Variants in HADHB observed in about 807,000 individuals in gnomAD.
HADHB encodes trifunctional enzyme subunit beta, mitochondrial.
In HADHB, 50 loss-of-function variants were observed where a neutral mutation model predicts 61.9. That is an observed-to-expected ratio of 0.81 (90% CI 0.64 to 1.02). The LOEUF (loss-of-function observed/expected upper bound fraction) is 1.02. Ranked by LOEUF, HADHB falls within the 50% of genes least tolerant of loss-of-function variation. HADHB has a pLI of 0.00. For missense variants in HADHB, 504 were observed against 586.5 expected (o/e 0.86, Z 1.45); for synonymous variants, 191 against 201.6 (o/e 0.95, Z 0.45).
chr2:26,269,859 T>C (rs2147816364), intron 4 of HADHB, 94 bp from the exon 5 acceptor site: 1 of 821,914 alleles, frequency 1.2e-6, no homozygotes. Flanking sequence ...TGTAGCAGCA[T>C]GTGTTTGATG....
chr2:26,250,883 T>A (rs1671372831), intron 1 of HADHB, among the ~76,000 whole-genome samples: 1 of 151,448 alleles, frequency 6.6e-6, no homozygotes, highest in African/African-American at 2.4e-5. Flanking sequence ...CCTCTAGTAC[T>A]TTTATAGTTA....
chr2:26,271,728 T>C (rs1262390338), intron 5 of HADHB, among the ~76,000 whole-genome samples: 1 of 152,086 alleles, frequency 6.6e-6, no homozygotes, highest in African/African-American at 2.4e-5. Flanking sequence ...GAGGATCTTT[T>C]GAGCCCAGGA....
chr2:26,263,625 C>A, intron 4 of HADHB, 146 bp downstream of exon 4: 1 of 698,872 alleles, frequency 1.4e-6, no homozygotes, highest in Non-Finnish European at 2.6e-6. Flanking sequence ...TAGAATAAGT[C>A]AAGACAGTGG....
chr2:26,270,900 A>G (rs1672312563), intron 5 of HADHB, among the ~76,000 whole-genome samples: 2 of 127,096 alleles, frequency 1.6e-5, no homozygotes, highest in Non-Finnish European at 3.2e-5. Flanking sequence ...TTTTTTTGAG[A>G]CGGAGTCTCG....
intron 3 of HADHB, among the ~76,000 whole-genome samples, chr2:26,258,183 G>A (rs1574645774): frequency 6.6e-6 from 1 of 152,290 alleles, no homozygotes; most frequent in Non-Finnish European, 1.5e-5. Context: ...ATACTTTTAT[G>A]TACTGTTGCT....
rs149414572 is a variant in HADHB, at chr2:26,257,084, C to T, written c.109+2610C>T. Among the ~76,000 whole-genome samples the T allele has an allele frequency of 5.1e-3, 768 of 149,820 alleles. 8 individuals are homozygous for T. The highest frequency in any genetic ancestry group is 0.018 in the African/African-American group (739 of 40,900). On this transcript the variant is annotated intron_variant, in intron 3 of 15. Transcript: ENST00000317799. The stretch of plus-strand genomic sequence containing the variant: ...GTACCTGATTGCCTTGTTGATCTTG[C>T]GTCACTGGGAAGGCTAAGAGCTCCC...
chr2:26,262,207 G>A (rs1218492273), intron 3 of HADHB, among the ~76,000 whole-genome samples: 1 of 152,118 alleles, frequency 6.6e-6, no homozygotes, highest in Admixed American at 6.5e-5. Flanking sequence ...TGTTGACATT[G>A]TATTCCCAAT....
In HADHB at chr2:26,263,424, A is replaced by G; in HGVS notation, c.154A>G (p.Arg52Gly). 2 of 1,613,648 alleles carry G rather than the reference A, an allele frequency of 1.2e-6. No individual in the cohort carries two copies. The highest frequency in any genetic ancestry group is 1.7e-6 in the Non-Finnish European group (2 of 1,179,566). The change falls in exon 4 of 16, where the codon AGG becomes GGG. Residue 52 changes from arginine (R) to glycine (G), a missense_variant. Arg to Gly is a moderately radical substitution (Grantham distance 125). Transcript: ENST00000317799. Reference protein sequence around the residue: ...TKKTLAKPNIRNVVVVDGVRT... With the variant: ...TKKTLAKPNIGNVVVVDGVRT... The stretch of plus-strand genomic sequence containing the variant: ...GAAGACGTTAGCCAAACCCAATATA[A>G]GGAATGTTGTGGTGGTGGATGGTGT...
intron 3 of HADHB, 77 bp downstream of exon 3, chr2:26,254,551 A>G: frequency 1.0e-6 from 1 of 967,354 alleles, no homozygotes; most frequent in South Asian, 1.3e-5. Flanking sequence ...ACTCTGAATA[A>G]AAACCAAAAC....
At chr2:26,264,367 A>G (rs1214078683) in intron 4 of HADHB, among the ~76,000 whole-genome samples, 1 of 151,752 alleles carries the variant, frequency 6.6e-6, no homozygotes, top group Admixed American at 6.6e-5. Flanking sequence ...TGGGTAACAT[A>G]GCAAGACCTT....
At chr2:26,262,758 C>T (rs1198492562) in intron 3 of HADHB, among the ~76,000 whole-genome samples, 1 of 152,030 alleles carries the variant, frequency 6.6e-6, no homozygotes, top group African/African-American at 2.4e-5. Context: ...GGTAGATTTG[C>T]GTGTAAATTT....
At chr2:26,252,118 A>G (rs931105213) in intron 1 of HADHB, among the ~76,000 whole-genome samples, 2 of 152,220 alleles carry the variant, frequency 1.3e-5, no homozygotes, top group African/African-American at 4.8e-5. Flanking sequence ...TGCTCAGGAC[A>G]TGCCACCTGG....
At position 26,265,347 on chromosome 2, in the gene HADHB, A is replaced by G. The variant is rs141372042; in HGVS notation, c.209+1868A>G. On this transcript the variant is annotated intron_variant, in intron 4 of 15. Transcript: ENST00000317799. ...TCAGTGGCTCACACCTGTAATCCCA[A>G]CACTTTGGGAGGCCAAGGCAGGTGG... Among the ~76,000 whole-genome samples the G allele has an allele frequency of 2.9e-3, 436 of 152,140 alleles. 1 individual carries two copies. Among genetic ancestry groups the G allele is most frequent in the African/African-American group, 0.01 (415 of 41,494 alleles).
chr2:26,289,439 A>C (rs1673176409), intron 15 of HADHB, among the ~76,000 whole-genome samples: 1 of 152,002 alleles, frequency 6.6e-6, no homozygotes, highest in Admixed American at 6.6e-5. Context: ...GAGTCACTTA[A>C]CCTTTCAGAG....
intron 15 of HADHB, among the ~76,000 whole-genome samples, chr2:26,289,574 G>A (rs1673181110): frequency 6.6e-6 from 1 of 152,016 alleles, no homozygotes; most frequent in Non-Finnish European, 1.5e-5. Context: ...GCATCACTAG[G>A]AATTAGATTC....
chr2:26,275,635 G>GT (rs1419802198), intron 6 of HADHB, among the ~76,000 whole-genome samples: 4 of 152,118 alleles, frequency 2.6e-5, no homozygotes, highest in African/African-American at 9.7e-5. Context: ...AGATACTTGC[G>GT]TCTCTCTTCC....
chr2:26,245,188 A>G (rs755371363), intron 1 of HADHB, 198 bp downstream of exon 1: 1 of 188,244 alleles, frequency 5.3e-6, no homozygotes, highest in Non-Finnish European at 1.1e-5. Context: ...CTAGCGTTCC[A>G]GCTGAAGTTC....
At position 26,280,066 on chromosome 2, in the gene HADHB, C is replaced by A. The variant is rs1356827712; in HGVS notation, c.884C>A (p.Ala295Glu). The A allele has an allele frequency of 6.2e-7, 1 of 1,611,076 alleles. No homozygotes were observed. Among genetic ancestry groups the A allele is most frequent in the Non-Finnish European group, 8.5e-7 (1 of 1,177,576 alleles). The part of the protein sequence containing the change: ...SLEQMAKLKP[A>E]FIKPYGTVTA... ...GAGCAGATGGCCAAACTAAAACCTGCATTCATCAAGCCCTACGGCACAGTG... is the reference window on the plus strand; with the variant it reads ...GAGCAGATGGCCAAACTAAAACCTGAATTCATCAAGCCCTACGGCACAGTG... The change falls in exon 10 of 16, where the codon GCA becomes GAA. Residue 295 changes from alanine to glutamate, a missense_variant. By Grantham distance (107) the Ala-to-Glu change is moderately radical (BLOSUM62 -1). Coordinates refer to ENST00000317799, the MANE Select transcript of HADHB (RefSeq NM_000183.3).
At chr2:26,253,881 T>A (rs1328592003) in intron 1 of HADHB, among the ~76,000 whole-genome samples, 6 of 149,762 alleles carry the variant, frequency 4.0e-5, no homozygotes, top group African/African-American at 1.2e-4. Flanking sequence ...AATAAATAAA[T>A]AAATAAATAA....
Sources: gnomAD v4.1 joint callset for allele counts (sites outside exome capture counted in the v4.1 genomes callset) on GRCh38, gnomAD v4.1.1 for gene constraint, MANE v1.5 for transcripts, NCBI Gene and HGNC (gene_info 2026-07-23, HGNC 2026-07-21) for gene names.